Variants in RUSF1 observed in about 807,000 individuals in gnomAD.
The protein encoded by RUSF1 is RUS family member 1, also known as RUS1 family protein C16orf58.
A neutral mutation model predicts 63.0 loss-of-function variants in RUSF1; 58 were observed. That is an observed-to-expected ratio of 0.92 (90% CI 0.75 to 1.15). The LOEUF (loss-of-function observed/expected upper bound fraction) is 1.15, where lower values mean the gene tolerates loss of function less well. RUSF1 is among the 50% of genes most tolerant of loss of function. RUSF1 has a pLI of 0.00. For synonymous variants in RUSF1, 274 were observed against 255.8 expected, an observed-to-expected ratio of 1.07 and a Z score of -0.68; for missense variants, 652 against 611.0, an observed-to-expected ratio of 1.07 and a Z score of -0.71.
intron 2 of RUSF1, among the ~76,000 whole-genome samples, chr16:31,505,961 G>A (rs1268279798): frequency 1.3e-5 from 2 of 152,216 alleles, no homozygotes; most frequent in Non-Finnish European, 2.9e-5. Context: ...TGATACAGGT[G>A]TTCTGGTGAT....
At position 31,490,556 on chromosome 16, in the gene RUSF1, A is replaced by G. The variant is rs753259266; in HGVS notation, c.*279T>C. 1.3e-5 allele frequency: 21 copies of G among 1,576,200 alleles called. No homozygotes were observed. The Admixed American group carries it at 1.4e-4, about 11-fold the overall frequency. On this transcript the variant is annotated 3_prime_UTR_variant, in exon 13 of 13. Transcript: ENST00000327237. ...CCTAAGACCAACTGCGTTGGACACC[A>G]TAAGCCACAGCCTCACAGGAAGTGG...
In RUSF1 at chr16:31,493,610, C is replaced by G; in HGVS notation, c.951G>C (p.Leu317=). ...DPTAANRMEP[L]WTGFWPAPSL... is the part of the protein sequence containing the mutation. Reference sequence around the variant, plus strand: ...GACCAGGGGCAGGGTCACCTGTCCACAGCGGCTCCATGCGATTGGCTGCAG... The same window carrying G: ...GACCAGGGGCAGGGTCACCTGTCCAGAGCGGCTCCATGCGATTGGCTGCAG... Residue 317 remains leucine, a synonymous_variant, in exon 8 of 13, where the codon CTG becomes CTC. Transcript: ENST00000327237. 6.2e-7 allele frequency: 1 copy of G among 1,614,208 alleles called. No homozygotes were observed. The highest frequency in any genetic ancestry group is 8.5e-7 in the Non-Finnish European group (1 of 1,180,034).
In RUSF1 at chr16:31,490,402, C is replaced by A. The variant is rs767260986; in HGVS notation, c.*433G>T. 21 of 1,613,538 alleles carry A rather than the reference C, an allele frequency of 1.3e-5. No individual in the cohort carries two copies. Among genetic ancestry groups the A allele is most frequent in the Non-Finnish European group, 1.8e-5 (21 of 1,179,892 alleles). On this transcript the variant is annotated 3_prime_UTR_variant, in exon 13 of 13. Transcript: ENST00000327237. The stretch of plus-strand genomic sequence containing the variant: ...GGGGTGGGCAGTCCTCCGCCCCTTA[C>A]CCAGGAGGAGGCAGCGGCAGCAGCC...
intron 10 of RUSF1, 96 bp from the exon 11 acceptor site, chr16:31,492,436 T>C: frequency 1.5e-6 from 2 of 1,377,762 alleles, no homozygotes; most frequent in Non-Finnish European, 1.9e-6. Context: ...CCCCAAGACC[T>C]TGGCCTGGCA....
At chr16:31,499,271 T>C (rs1355363030) in intron 5 of RUSF1, 31 bp downstream of exon 5, 1 of 1,577,098 alleles carries the variant, frequency 6.3e-7, no homozygotes, top group South Asian at 1.1e-5. Context: ...GCAGGTGTTT[T>C]AGGCAGATGG....
chr16:31,496,907 G>T lies in RUSF1; in HGVS notation c.644C>A (p.Thr215Asn). ...VAGGATRAALTVHQARRNNMA... is the reference protein window; with the variant it reads ...VAGGATRAALNVHQARRNNMA... ...GTTGTTCCTCCGAGCCTGGTGCACGGTCAGGGCAGCCCGAGTGGCCCCACC... is the reference window on the plus strand; with the variant it reads ...GTTGTTCCTCCGAGCCTGGTGCACGTTCAGGGCAGCCCGAGTGGCCCCACC... The change falls in exon 6 of 13, where the codon ACC (threonine) becomes AAC (asparagine). Residue 215 changes from threonine (T) to asparagine (N), a missense_variant. By Grantham distance (65) the Thr-to-Asn change is moderately conservative (BLOSUM62 0). Transcript: ENST00000327237. The T allele has an allele frequency of 1.2e-6, 2 of 1,610,286 alleles. No homozygotes were observed. The highest frequency in any genetic ancestry group is 1.7e-6 in the Non-Finnish European group (2 of 1,178,658).
chr16:31,506,907 T>A (rs747779050), intron 2 of RUSF1, among the ~76,000 whole-genome samples: 2 of 152,132 alleles, frequency 1.3e-5, no homozygotes, highest in Admixed American at 1.3e-4. Flanking sequence ...TCAGTCTTAA[T>A]GGTAAAGGTG....
At chr16:31,491,828 G>T (rs1012225906) in intron 12 of RUSF1, among the ~76,000 whole-genome samples, 181 bp downstream of exon 12, 4 of 152,122 alleles carry the variant, frequency 2.6e-5, no homozygotes, top group African/African-American at 9.7e-5. Context: ...CCCAGGCAGG[G>T]TCTCAAGCAA....
chr16:31,493,849 C>T lies in RUSF1; in HGVS notation c.773+17G>A. The T allele has an allele frequency of 6.2e-7, 1 of 1,614,194 alleles. No individual in the cohort carries two copies. Among genetic ancestry groups the T allele is most frequent in the Non-Finnish European group, 8.5e-7 (1 of 1,180,032 alleles). On this transcript the variant is annotated intron_variant, in intron 7 of 12. Coordinates refer to ENST00000327237, the MANE Select transcript of RUSF1 (RefSeq NM_022744.4). ...GGCCCAGCTGGGGTTCTCCTGCCCA[C>T]CCTGCTTCCGGCTTACCCAGGGCAA...
In RUSF1 at chr16:31,490,426, C is replaced by A; in HGVS notation, c.*409G>T. The A allele has an allele frequency of 6.2e-7, 1 of 1,613,728 alleles. No individual in the cohort carries two copies. The highest frequency in any genetic ancestry group is 1.1e-5 in the South Asian group (1 of 91,000). ...ACCCAGGAGGAGGCAGCGGCAGCAG[C>A]CAGGCGGCTGGAGGACATCAGCGAG... is the stretch of plus-strand genomic sequence containing the variant. On this transcript the variant is annotated 3_prime_UTR_variant, in exon 13 of 13. Transcript: ENST00000327237.
Position 31,489,891 on chromosome 16 carries a change from C to A in RUSF1, c.*944G>T, listed in dbSNP as rs746975838. The A allele has an allele frequency of 4.5e-5, 28 of 616,606 alleles. No individual in the cohort carries two copies. In the East Asian group the frequency reaches 8.6e-4, roughly 19 times the overall value. 38.2% of individuals were successfully genotyped at this position (616,606 alleles called of 1,614,324 possible). A position where few individuals can be genotyped will look rare whatever the true frequency, so the allele number is the denominator to read the frequency against. ...GACAAAGCTGGGGGAGCAAGGCCAA[C>A]GGCTTTAAACACAAGCTCAGGGGCT... On this transcript the variant is annotated 3_prime_UTR_variant, in exon 13 of 13. Transcript: ENST00000327237.
intron 1 of RUSF1, 95 bp from the exon 2 acceptor site, chr16:31,507,973 C>G: frequency 6.5e-7 from 1 of 1,536,650 alleles, no homozygotes; most frequent in East Asian, 2.5e-5. Context: ...TGAGGCATGT[C>G]AGACCCCCCG....
intron 2 of RUSF1, among the ~76,000 whole-genome samples, chr16:31,504,388 C>T (rs1039238472): frequency 5.9e-5 from 9 of 152,080 alleles, no homozygotes; most frequent in Non-Finnish European, 1.3e-4. Flanking sequence ...CCTGCCGCTG[C>T]TTCCTGAGTA....
rs768695824 is a variant in RUSF1 at position 31,499,211 on chromosome 16, G to C, written c.600+91C>G. On this transcript the variant is annotated intron_variant, in intron 5 of 12. Transcript: ENST00000327237. ...ACATCTGAACTTTCTTATTCTTCTT[G>C]AAGTGGCAGGTAAACTCACAGAGCC... is the stretch of plus-strand genomic sequence containing the variant. 6.9e-5 allele frequency: 79 copies of C among 1,147,158 alleles called. 1 individual carries two copies. Among genetic ancestry groups the C allele is most frequent in the Admixed American group, 2.6e-4 (14 of 53,872 alleles). 71.1% of individuals were successfully genotyped at this position (1,147,158 alleles called of 1,614,324 possible).
intron 2 of RUSF1, among the ~76,000 whole-genome samples, chr16:31,504,601 C>T (rs1355965486): frequency 6.6e-6 from 1 of 152,162 alleles, no homozygotes; most frequent in African/African-American, 2.4e-5. Context: ...ATCCAAAAAC[C>T]TAAAATCTGA....
rs1034845678 is a variant in RUSF1 at position 31,490,546 on chromosome 16, G to A, written c.*289C>T. 5 of 1,595,790 alleles carry A rather than the reference G, an allele frequency of 3.1e-6. No individual in the cohort carries two copies. The South Asian group carries it at 3.4e-5, about 11-fold the overall frequency. ...GGCTTCTATGCCTAAGACCAACTGC[G>A]TTGGACACCATAAGCCACAGCCTCA... On this transcript the variant is annotated 3_prime_UTR_variant, in exon 13 of 13. Coordinates refer to ENST00000327237, the MANE Select transcript of RUSF1 (RefSeq NM_022744.4).
rs773654551 is a variant in RUSF1, at chr16:31,507,766, T to C, written c.413A>G (p.Lys138Arg). 9.6e-6 allele frequency: 15 copies of C among 1,562,540 alleles called. No homozygotes were observed. The highest frequency in any genetic ancestry group is 1.9e-5 in the Admixed American group (1 of 52,472). Reference protein sequence around the residue: ...VSAATATWLVKDSTGMLGRIV... With the variant: ...VSAATATWLVRDSTGMLGRIV... ...GAGGCTCCAGGGGTGCAGCTCACCT[T>C]TCACGAGCCAGGTGGCCGTGGCAGC... The change falls in exon 2 of 13, where the codon AAA becomes AGA. Residue 138 changes from lysine to arginine, a missense_variant and splice_region_variant. By Grantham distance (26) the Lys-to-Arg change is conservative. Transcript: ENST00000327237.
chr16:31,496,727 T>C, intron 6 of RUSF1, 122 bp downstream of exon 6: 2 of 858,874 alleles, frequency 2.3e-6, no homozygotes, highest in Non-Finnish European at 3.4e-6. Context: ...CCTGGGTGTC[T>C]TGAGTCAGCA....
At chr16:31,500,591 C>T (rs939603184) in intron 3 of RUSF1, 95 bp downstream of exon 3, 11 of 1,452,330 alleles carry the variant, frequency 7.6e-6, no homozygotes, top group African/African-American at 2.8e-5. Context: ...TCTCATGGAA[C>T]CCTTACAGCC....
Sources: allele counts gnomAD v4.1 joint callset (sites outside exome capture counted in the v4.1 genomes callset), GRCh38; gene constraint gnomAD v4.1.1; transcripts MANE v1.5; gene names NCBI Gene and HGNC (gene_info 2026-07-23, HGNC 2026-07-21).